The following PTK2 variants were observed in gnomAD, a reference collection of about 807,000 sequenced individuals.
The protein encoded by PTK2 is focal adhesion kinase 1.
In PTK2, 45 loss-of-function variants were observed where a neutral mutation model predicts 150.1. That is an observed-to-expected ratio of 0.30 (90% CI 0.24 to 0.38). PTK2 has a LOEUF of 0.38. PTK2 is among the 10% of genes least tolerant of loss of function. The pLI is 1.00. For missense variants in PTK2, 919 were observed against 1,307.3 expected (o/e 0.70, Z 4.58); for synonymous variants, 432 against 449.2 (o/e 0.96, Z 0.48).
intron 10 of PTK2, among the ~76,000 whole-genome samples, chr8:140,809,054 T>C (rs574926593): frequency 6.6e-6 from 1 of 151,806 alleles, no homozygotes; most frequent in African/African-American, 2.4e-5. Flanking sequence ...TTCAAATGAG[T>C]ATACAGAAAT....
At chr8:140,784,911 A>G (rs2100084037) in intron 14 of PTK2, among the ~76,000 whole-genome samples, 1 of 152,234 alleles carries the variant, frequency 6.6e-6, no homozygotes, top group Admixed American at 6.5e-5. Flanking sequence ...ACTGAAGGTG[A>G]TCCAATAACT....
At chr8:140,982,855 G>GA (rs2100191964) in intron 1 of PTK2, among the ~76,000 whole-genome samples, 1 of 152,188 alleles carries the variant, frequency 6.6e-6, no homozygotes, top group South Asian at 2.1e-4. Context: ...AACCATGGCT[G>GA]AAAGTGGTAA....
intron 5 of PTK2, among the ~76,000 whole-genome samples, chr8:140,857,594 G>A (rs535542353): frequency 2.6e-5 from 4 of 152,240 alleles, no homozygotes; most frequent in South Asian, 2.1e-4. Context: ...GCAGAGGGAC[G>A]AAATAAGAAC....
chr8:140,735,299 T>C (rs982040650), exon 22 of PTK2: 8 of 1,613,940 alleles, frequency 5.0e-6, no homozygotes, highest in South Asian at 1.1e-5. Flanking sequence ...GCTGGGGTCA[T>C]AGGCCCAGCA....
chr8:140,667,205 A>G (rs2092690601), intron 30 of PTK2, among the ~76,000 whole-genome samples: 1 of 152,202 alleles, frequency 6.6e-6, no homozygotes, highest in Admixed American at 6.5e-5. Flanking sequence ...GTGGCACAAC[A>G]TTGTGAATGT....
intron 5 of PTK2, among the ~76,000 whole-genome samples, chr8:140,858,130 G>A (rs2100133864): frequency 6.6e-6 from 1 of 152,054 alleles, no homozygotes; most frequent in East Asian, 1.9e-4. Flanking sequence ...ATCAACAAAT[G>A]CACCAAACAT....
At chr8:140,892,615 C>A (rs2100154611) in intron 2 of PTK2, 2 of 455,262 alleles carry the variant, frequency 4.4e-6, no homozygotes, top group Admixed American at 2.5e-5. Flanking sequence ...CCTTTTTCAT[C>A]CAAATCATTC....
In PTK2 at chr8:140,816,511, C is replaced by A. The variant is rs1047474824; in HGVS notation, c.867+1766G>T. Among the ~76,000 whole-genome samples the A allele has an allele frequency of 1.2e-4, 18 of 152,198 alleles. 2 individuals carry two copies. Among genetic ancestry groups the A allele is most frequent in the Admixed American group, 1.0e-3 (16 of 15,284 alleles). ...CAAGGGAGGCCGGTCTGTTTAAAGT[C>A]AACAGCCAACAAGAGATTTGGGGAA... is the stretch of plus-strand genomic sequence containing the variant. On this transcript the variant is annotated intron_variant, in intron 10 of 31. Coordinates refer to ENST00000522684, the Ensembl canonical transcript of PTK2.
chr8:140,908,913 A>G (rs2100162022), intron 2 of PTK2, among the ~76,000 whole-genome samples: 1 of 152,216 alleles, frequency 6.6e-6, no homozygotes, highest in Admixed American at 6.5e-5. Flanking sequence ...GAATTTTTCC[A>G]TAATAAAATA....
chr8:140,754,643 C>T (rs1315335269), intron 16 of PTK2, among the ~76,000 whole-genome samples: 2 of 152,194 alleles, frequency 1.3e-5, no homozygotes, highest in Non-Finnish European at 2.9e-5. Flanking sequence ...CAAAATACTG[C>T]TCTTTAAAGA....
intron 5 of PTK2, among the ~76,000 whole-genome samples, chr8:140,860,864 A>C (rs1330258120): frequency 1.3e-5 from 2 of 152,242 alleles, no homozygotes; most frequent in Non-Finnish European, 2.9e-5. Flanking sequence ...TGAGCCTGAA[A>C]TACTAGCACG....
At chr8:140,811,566 A>G (rs2100101589) in intron 10 of PTK2, among the ~76,000 whole-genome samples, 1 of 152,196 alleles carries the variant, frequency 6.6e-6, no homozygotes, top group Non-Finnish European at 1.5e-5. Flanking sequence ...CTGGGTTGAG[A>G]TGGCTGAAAT....
chr8:140,700,559 C>G (rs951411852), intron 26 of PTK2, among the ~76,000 whole-genome samples: 12 of 151,804 alleles, frequency 7.9e-5, no homozygotes, highest in Non-Finnish European at 1.2e-4. Flanking sequence ...TCTCGGCTCA[C>G]TGCAACCTCC....
chr8:140,746,326 GTC>G (rs1490572068), intron 18 of PTK2: 1 of 153,840 alleles, frequency 6.5e-6, no homozygotes, highest in African/African-American at 2.4e-5. Flanking sequence ...GGGAGACTTT[GTC>G]TCTCAAAAAA....
At chr8:140,796,253 A>G (rs1250446500) in intron 12 of PTK2, among the ~76,000 whole-genome samples, 1 of 152,212 alleles carries the variant, frequency 6.6e-6, no homozygotes, top group African/African-American at 2.4e-5. Context: ...TATACAACTC[A>G]CTGCACATCA....
intron 29 of PTK2, 82 bp downstream of exon 32, chr8:140,674,216 A>G: frequency 2.2e-6 from 3 of 1,343,306 alleles, no homozygotes; most frequent in South Asian, 2.4e-5. Flanking sequence ...ACTCCACTCT[A>G]TGACATGAAC....
chr8:140,860,397 G>T (rs1436487612), intron 5 of PTK2, among the ~76,000 whole-genome samples: 1 of 152,164 alleles, frequency 6.6e-6, no homozygotes. Flanking sequence ...AGTCAACAGG[G>T]TCACCCAACA....
chr8:140,841,983 T>C (rs1455263528), intron 7 of PTK2, among the ~76,000 whole-genome samples: 2 of 152,106 alleles, frequency 1.3e-5, no homozygotes, highest in Non-Finnish European at 2.9e-5. Flanking sequence ...ATATACTCAT[T>C]GGGTGGACTA....
chr8:140,862,191 T>C (rs901318469), intron 5 of PTK2, among the ~76,000 whole-genome samples: 2 of 152,132 alleles, frequency 1.3e-5, no homozygotes, highest in Non-Finnish European at 2.9e-5. Flanking sequence ...TTATGCATTC[T>C]GGAAATCAAT....
Sources: allele counts gnomAD v4.1 joint callset (sites outside exome capture counted in the v4.1 genomes callset), GRCh38; gene constraint gnomAD v4.1.1; transcripts MANE v1.5; gene names NCBI Gene and HGNC (gene_info 2026-07-23, HGNC 2026-07-21).